The following ERP44 variants were observed in gnomAD, a reference collection of about 807,000 sequenced individuals.
ERP44 encodes endoplasmic reticulum protein 44, also known as endoplasmic reticulum resident protein 44.
Under a neutral mutation model 53.4 loss-of-function variants are expected in ERP44, and 25 were observed. The ratio of observed to expected loss-of-function variants is 0.47; its 90% CI spans 0.34 to 0.65. The LOEUF (loss-of-function observed/expected upper bound fraction) is 0.65, where lower values mean the gene tolerates loss of function less well. ERP44 is among the 30% of genes least tolerant of loss of function. ERP44 has a pLI of 0.01. For missense variants in ERP44, 338 were observed against 493.2 expected (o/e 0.69, Z 2.98); for synonymous variants, 145 against 161.2 (o/e 0.90, Z 0.76).
rs1035220045 is a variant in ERP44 at position 99,982,137 on chromosome 9, A to G, written c.*475T>C. 6.5e-6 allele frequency: 1 copy of G among 152,714 alleles called. No individual in the cohort carries two copies. Among genetic ancestry groups the G allele is most frequent in the African/African-American group, 2.4e-5 (1 of 41,450 alleles). 9.5% of individuals were successfully genotyped at this position (152,714 alleles called of 1,614,324 possible). A position where few individuals can be genotyped will look rare whatever the true frequency, so the allele number is the denominator to read the frequency against. On this transcript the variant is annotated 3_prime_UTR_variant, in exon 12 of 12. Coordinates refer to ENST00000262455, the MANE Select transcript of ERP44 (RefSeq NM_015051.3). The stretch of plus-strand genomic sequence containing the variant: ...CCAACCAATCAGTAAAACACAGTAC[A>G]CAGTGTGAAAACTTTAATTTATTCC...
intron 10 of ERP44, chr9:99,998,165 T>G (rs756209036): frequency 4.8e-6 from 1 of 206,824 alleles, no homozygotes; most frequent in Non-Finnish European, 9.9e-6. Context: ...TCTGTGTGTT[T>G]CTATGTCACC....
Position 99,980,070 on chromosome 9 carries a change from G to T in ERP44, c.*2542C>A. On this transcript the variant is annotated 3_prime_UTR_variant, in exon 12 of 12. Transcript: ENST00000262455. ...CCTTTGCTCAGATTATTCCCTCTCA[G>T]CCAGATCCCTACCTCCTGAGAACAC... The T allele has an allele frequency of 2.5e-6, 1 of 398,422 alleles. No individual in the cohort carries two copies. The highest frequency in any genetic ancestry group is 4.4e-6 in the Non-Finnish European group (1 of 225,984). The allele number at this position is 398,422 out of a possible 1,614,324, so 24.7% of individuals were successfully genotyped here. A position where few individuals can be genotyped will look rare whatever the true frequency, so the allele number is the denominator to read the frequency against.
At chr9:100,027,859 T>G (rs891730508) in intron 4 of ERP44, among the ~76,000 whole-genome samples, 4 of 152,154 alleles carry the variant, frequency 2.6e-5, no homozygotes, top group Non-Finnish European at 5.9e-5. Flanking sequence ...GGACCACTGC[T>G]GCCTATGTAC....
rs774640696 is a variant in ERP44 at position 100,098,813 on chromosome 9, G to A, written c.28C>T (p.Pro10Ser). The stretch of plus-strand genomic sequence containing the variant: ...AGCAGAAGGGAGCATCTGAGGTCGG[G>A]TAAGGATAGGAAGACGGCAGGATGC... MHPAVFLSL[P>S]DLRCSLLLLV... The change falls in exon 1 of 12, where the codon CCC (proline) becomes TCC (serine). Residue 10 changes from proline (P) to serine (S), a missense_variant. Pro to Ser is a moderately conservative substitution (Grantham distance 74). Around this residue, in one of 3 missense-constraint regions of ERP44, gnomAD observed 224 missense variants for 301.4 expected, o/e 0.74. Transcript: ENST00000262455. 47 of 1,613,800 alleles carry A rather than the reference G, an allele frequency of 2.9e-5. No individual in the cohort carries two copies. In the Middle Eastern group the frequency reaches 4.9e-4, roughly 17 times the overall value.
At chr9:99,983,011 A>G (rs538735725) in intron 11 of ERP44, among the ~76,000 whole-genome samples, 14 of 152,296 alleles carry the variant, frequency 9.2e-5, no homozygotes, top group South Asian at 6.2e-4. Context: ...GTGCTTTCCT[A>G]GACTAGTCGA....
At chr9:100,021,071 C>T (rs1272156191) in intron 5 of ERP44, among the ~76,000 whole-genome samples, 2 of 152,182 alleles carry the variant, frequency 1.3e-5, no homozygotes, top group African/African-American at 4.8e-5. Flanking sequence ...TAACTTGTGA[C>T]TGTTGGAGAG....
chr9:100,042,824 C>T (rs757819613), intron 4 of ERP44, among the ~76,000 whole-genome samples: 1 of 152,122 alleles, frequency 6.6e-6, no homozygotes, highest in African/African-American at 2.4e-5. Context: ...GAAAACATTG[C>T]ATGTTCTCAC....
intron 10 of ERP44, 89 bp from the exon 11 acceptor site, chr9:99,985,158 A>G: frequency 1.3e-6 from 1 of 799,588 alleles, no homozygotes; most frequent in East Asian, 2.7e-5. Flanking sequence ...ACTTTTGCTA[A>G]CCTATAGTCC....
intron 4 of ERP44, among the ~76,000 whole-genome samples, chr9:100,024,780 C>A (rs1415814878): frequency 6.6e-6 from 1 of 151,950 alleles, no homozygotes; most frequent in East Asian, 1.9e-4. Flanking sequence ...TAAGTAAAAA[C>A]CCTATAATTT....
In ERP44 at chr9:100,049,385, G is replaced by A. The variant is rs376944113; in HGVS notation, c.286+3032C>T. On this transcript the variant is annotated intron_variant, in intron 4 of 11. Transcript: ENST00000262455. ...TGCACTACAGCCTGGGCGAGACAGT[G>A]AGACCCTGTCGCAAACAAATAAATA... 3.9e-5 allele frequency among the ~76,000 whole-genome samples: 6 copies of A among 152,158 alleles called. No homozygotes were observed. The South Asian group carries it at 8.3e-4, about 21-fold the overall frequency.
chr9:100,065,286 T>C (rs1826197601), intron 1 of ERP44, among the ~76,000 whole-genome samples: 3 of 152,188 alleles, frequency 2.0e-5, no homozygotes, highest in Admixed American at 6.5e-5. Context: ...ACAAGTAGCC[T>C]AAGAGTAATA....
At chr9:99,988,306 T>G (rs191485743) in intron 10 of ERP44, among the ~76,000 whole-genome samples, 4 of 152,206 alleles carry the variant, frequency 2.6e-5, no homozygotes, top group East Asian at 1.9e-4. Flanking sequence ...CTTTTATGGA[T>G]AGTGCTTTTG....
chr9:99,989,463 T>G (rs547381213), intron 10 of ERP44, among the ~76,000 whole-genome samples: 13 of 152,196 alleles, frequency 8.5e-5, no homozygotes, highest in African/African-American at 3.1e-4. Flanking sequence ...TGACTGTTAG[T>G]AGGAAAACTA....
At position 99,993,662 on chromosome 9, in the gene ERP44, G is replaced by A. The variant is rs550428942; in HGVS notation, c.1017-8593C>T. Among the ~76,000 whole-genome samples, 11 of 152,284 alleles carry A rather than the reference G, an allele frequency of 7.2e-5. No individual in the cohort carries two copies. The South Asian group carries it at 2.3e-3, about 32-fold the overall frequency. Reference sequence around the variant, plus strand: ...GCAACAAAAGCCAAAATTGACAAATGGGATCTAATTAAACTAAAGAGCTTC... The same window carrying A: ...GCAACAAAAGCCAAAATTGACAAATAGGATCTAATTAAACTAAAGAGCTTC... On this transcript the variant is annotated intron_variant, in intron 10 of 11. Coordinates refer to ENST00000262455, the MANE Select transcript of ERP44 (RefSeq NM_015051.3).
Position 99,998,556 on chromosome 9 carries a change from A to T in ERP44, c.1016+7950T>A, listed in dbSNP as rs926145000. ...TAATCTTCACGCCTTCTGGAAAGCC[A>T]GTCAGGCTCGTGGTGAGCTCTGTGC... On this transcript the variant is annotated intron_variant, in intron 10 of 11. Coordinates refer to ENST00000262455, the MANE Select transcript of ERP44 (RefSeq NM_015051.3). 13 of 727,676 alleles carry T rather than the reference A, an allele frequency of 1.8e-5. No individual in the cohort carries two copies. In the African/African-American group the frequency reaches 2.3e-4, roughly 13 times the overall value. 45.1% of individuals were successfully genotyped at this position (727,676 alleles called of 1,614,324 possible).
At chr9:100,083,970 G>A (rs1826454719) in intron 1 of ERP44, among the ~76,000 whole-genome samples, 1 of 152,152 alleles carries the variant, frequency 6.6e-6, no homozygotes, top group East Asian at 1.9e-4. Flanking sequence ...AAAAGCAAGA[G>A]AAAACAGTCA....
intron 4 of ERP44, among the ~76,000 whole-genome samples, 193 bp downstream of exon 4, chr9:100,052,224 C>T (rs555740501): frequency 6.7e-6 from 1 of 148,770 alleles, no homozygotes; most frequent in South Asian, 2.1e-4. Context: ...GTTCTAAGTA[C>T]ATAAAAATTA....
chr9:100,016,025 C>T (rs150931754), intron 8 of ERP44, among the ~76,000 whole-genome samples: 74 of 152,250 alleles, frequency 4.9e-4, no homozygotes, highest in African/African-American at 1.8e-3. Flanking sequence ...AGGACATCCA[C>T]CTAAACAGGG....
At chr9:100,069,360 T>C (rs1411068789) in intron 1 of ERP44, among the ~76,000 whole-genome samples, 1 of 151,828 alleles carries the variant, frequency 6.6e-6, no homozygotes, top group East Asian at 1.9e-4. Flanking sequence ...ATGTACTGTA[T>C]ATATATTTGT....
Sources: gnomAD v4.1 joint callset for allele counts (sites outside exome capture counted in the v4.1 genomes callset) on GRCh38, gnomAD v4.1.1 for gene constraint, gnomAD v4.1.1 regional missense constraint, MANE v1.5 for transcripts, NCBI Gene and HGNC (gene_info 2026-07-23, HGNC 2026-07-21) for gene names.